ETFA: variants seen among roughly 807,000 people sequenced by gnomAD.
The protein encoded by ETFA is electron transfer flavoprotein subunit alpha.
A neutral mutation model predicts 46.2 loss-of-function variants in ETFA; 22 were observed. That is an observed-to-expected ratio of 0.48 (90% CI 0.34 to 0.68). ETFA has a LOEUF of 0.68. ETFA is among the 30% of genes least tolerant of loss of function. The pLI is 0.01. For missense variants in ETFA, 345 were observed against 401.1 expected (o/e 0.86, Z 1.19); for synonymous variants, 131 against 139.9 (o/e 0.94, Z 0.45).
Position 76,286,418 on chromosome 15 carries a change from G to A in ETFA, c.515C>T (p.Ser172Phe). 1 of 1,613,786 alleles carries A rather than the reference G, an allele frequency of 6.2e-7. No homozygotes were observed. Among genetic ancestry groups the A allele is most frequent in the East Asian group, 2.2e-5 (1 of 44,862 alleles). ...KVKVFSVRGT[S>F]FDAAATSGGS... Reference sequence around the variant, plus strand: ...GCCACTTGTTGCTGCAGCATCAAAGGATGTTCCACGGACAGAAAACACTTT... The same window carrying A: ...GCCACTTGTTGCTGCAGCATCAAAGAATGTTCCACGGACAGAAAACACTTT... Residue 172 changes from serine to phenylalanine, a missense_variant, in exon 6 of 12, where the codon TCC becomes TTC. By Grantham distance (155) the Ser-to-Phe change is radical. Transcript: ENST00000557943.
intron 7 of ETFA, chr15:76,284,971 A>T (rs139276964): frequency 5.8e-6 from 2 of 345,246 alleles, no homozygotes; most frequent in African/African-American, 4.6e-5. Flanking sequence ...CAGATATATC[A>T]CTTCAAAATA....
intron 1 of ETFA, among the ~76,000 whole-genome samples, chr15:76,299,172 T>C (rs1314738587): frequency 1.3e-5 from 2 of 152,252 alleles, no homozygotes; most frequent in Admixed American, 1.3e-4. Flanking sequence ...CATAAATTCT[T>C]AGTCATCAGC....
intron 9 of ETFA, among the ~76,000 whole-genome samples, chr15:76,269,036 G>C (rs544637914): frequency 6.6e-6 from 1 of 152,360 alleles, no homozygotes; most frequent in Admixed American, 6.5e-5. Context: ...CAGCCGATGG[G>C]TTGTCTACAT....
chr15:76,262,184 C>T (rs1397790736), intron 9 of ETFA, among the ~76,000 whole-genome samples: 3 of 151,914 alleles, frequency 2.0e-5, no homozygotes, highest in Non-Finnish European at 2.9e-5. Flanking sequence ...GAGTCAGTGA[C>T]CCTGAAAATG....
At chr15:76,311,251 G>A in intron 1 of ETFA, 99 bp downstream of exon 1, 1 of 1,392,898 alleles carries the variant, frequency 7.2e-7, no homozygotes, top group Non-Finnish European at 9.9e-7. Flanking sequence ...CGCGAGGGCT[G>A]GTCGAATCTG....
intron 10 of ETFA, chr15:76,227,592 T>C: frequency 3.1e-6 from 1 of 322,082 alleles, no homozygotes; most frequent in Admixed American, 4.2e-5. Context: ...ACAAATAGTT[T>C]GGTATTCCCC....
chr15:76,222,235 T>C (rs1011923251), intron 11 of ETFA, among the ~76,000 whole-genome samples: 2 of 148,256 alleles, frequency 1.3e-5, no homozygotes, highest in African/African-American at 4.9e-5. Flanking sequence ...TTTTAAAATA[T>C]AATTACAATA....
intron 6 of ETFA, 116 bp from the exon 7 acceptor site, chr15:76,285,854 T>TG: frequency 1.4e-6 from 1 of 734,740 alleles, no homozygotes; most frequent in Middle Eastern, 2.6e-4. Flanking sequence ...TTAATTACTG[T>TG]GAATTTTCAG....
intron 9 of ETFA, among the ~76,000 whole-genome samples, chr15:76,252,336 T>C (rs1264023460): frequency 6.6e-6 from 1 of 152,222 alleles, no homozygotes; most frequent in African/African-American, 2.4e-5. Context: ...ATTATAGGCA[T>C]GAGCCACCTC....
At chr15:76,228,450 C>A (rs1048030333) in intron 10 of ETFA, among the ~76,000 whole-genome samples, 1 of 151,844 alleles carries the variant, frequency 6.6e-6, no homozygotes, top group Non-Finnish European at 1.5e-5. Context: ...CCTCCCAAAG[C>A]GCTGGGATTA....
chr15:76,254,909 A>G (rs1029126876), intron 9 of ETFA, among the ~76,000 whole-genome samples: 35 of 152,214 alleles, frequency 2.3e-4, no homozygotes, highest in African/African-American at 8.2e-4. Flanking sequence ...AATGTTTGAA[A>G]TACTAAAGGT....
chr15:76,235,981 T>A (rs1475448679), intron 9 of ETFA, among the ~76,000 whole-genome samples: 2 of 152,214 alleles, frequency 1.3e-5, no homozygotes, highest in African/African-American at 4.8e-5. Context: ...ATGATTGGAA[T>A]GAAATCTTCA....
chr15:76,216,722 C>CTTGTTT (rs2038899800), intron 11 of ETFA, 125 bp from the exon 12 acceptor site: 1 of 698,958 alleles, frequency 1.4e-6, no homozygotes, highest in Non-Finnish European at 2.6e-6. Flanking sequence ...ACGAGGGCCC[C>CTTGTTT]CTCCTCTCCA....
intron 9 of ETFA, among the ~76,000 whole-genome samples, chr15:76,236,016 C>G (rs944540213): frequency 1.3e-5 from 2 of 152,140 alleles, no homozygotes; most frequent in African/African-American, 4.8e-5. Context: ...TCTAACCAAC[C>G]TGTGGATTCA....
intron 1 of ETFA, among the ~76,000 whole-genome samples, chr15:76,302,517 TTTG>T (rs763858280): frequency 1.3e-5 from 2 of 152,038 alleles, no homozygotes; most frequent in African/African-American, 2.4e-5. Flanking sequence ...ATAGAGGTTT[TTTG>T]TTGTTGTTGT....
chr15:76,294,146 G>A (rs1487686249), intron 2 of ETFA, among the ~76,000 whole-genome samples: 1 of 152,198 alleles, frequency 6.6e-6, no homozygotes. Flanking sequence ...TTGTAACTGA[G>A]TACAGAAGAC....
In ETFA at chr15:76,277,028, G is replaced by GT. The variant is rs568519262; in HGVS notation, c.734-2535_734-2534insA. Among the ~76,000 whole-genome samples, 289 of 152,306 alleles carry GT rather than the reference G, an allele frequency of 1.9e-3. 1 individual carries two copies. The highest frequency in any genetic ancestry group is 3.2e-3 in the Non-Finnish European group (217 of 68,020). The stretch of plus-strand genomic sequence containing the variant: ...CCAACATGATGTACACGGGTAAAAG[G>GT]AAGTGCTGTCAATAAGCCTTTATTA... On this transcript the variant is annotated intron_variant, in intron 8 of 11. Coordinates refer to ENST00000557943, the MANE Select transcript of ETFA (RefSeq NM_000126.4).
intron 1 of ETFA, among the ~76,000 whole-genome samples, chr15:76,296,758 TAAACACAAG>T (rs780108015): frequency 2.6e-5 from 4 of 152,154 alleles, no homozygotes; most frequent in Non-Finnish European, 4.4e-5. Context: ...GGAATAATTT[TAAACACAAG>T]GAACACAAAG....
At position 76,311,352 on chromosome 15, in the gene ETFA, C is replaced by T. The variant is rs769838321; in HGVS notation, c.37G>A (p.Ala13Thr). Reference protein sequence around the residue: ...RAAAPGQLRRAASLLRFQSTL... With the variant: ...RAAAPGQLRRTASLLRFQSTL... The stretch of plus-strand genomic sequence containing the variant: ...TCGCCTTCCCAGTCCGGACTCACCG[C>T]CCGCCGGAGCTGCCCCGGAGCCGCC... The change falls in exon 1 of 12, where the codon GCG (alanine) becomes ACG (threonine). Residue 13 changes from alanine (A) to threonine (T), a missense_variant and splice_region_variant. Coordinates refer to ENST00000557943, the MANE Select transcript of ETFA (RefSeq NM_000126.4). The T allele has an allele frequency of 1.1e-5, 17 of 1,559,016 alleles. No homozygotes were observed. Among genetic ancestry groups the T allele is most frequent in the Non-Finnish European group, 1.4e-5 (16 of 1,152,048 alleles).
Sources: gnomAD v4.1 joint callset for allele counts (sites outside exome capture counted in the v4.1 genomes callset) on GRCh38, gnomAD v4.1.1 for gene constraint, MANE v1.5 for transcripts, NCBI Gene and HGNC (gene_info 2026-07-23, HGNC 2026-07-21) for gene names.